The following SEMA4D variants were observed in gnomAD, a reference collection of about 807,000 sequenced individuals.
The protein encoded by SEMA4D is semaphorin 4D.
Under a neutral mutation model 74.8 loss-of-function variants are expected in SEMA4D, and 22 were observed. The ratio of observed to expected loss-of-function variants is 0.29; its 90% CI spans 0.21 to 0.42. The LOEUF is 0.42. Ranked by LOEUF, SEMA4D falls within the 10% of genes least tolerant of loss-of-function variation. SEMA4D has a pLI of 1.00. For synonymous variants in SEMA4D, 445 were observed against 463.7 expected (o/e 0.96, Z 0.52); for missense variants, 937 against 1,118.4 (o/e 0.84, Z 2.31).
chr9:89,418,296 G>C, intron 2 of SEMA4D: 1 of 834,560 alleles, frequency 1.2e-6, no homozygotes, highest in Non-Finnish European at 1.4e-6. Context: ...CACTGGGGCA[G>C]ACAGGAGGGA....
At chr9:89,418,356 C>A (rs1846153033) in intron 2 of SEMA4D, 1 of 985,054 alleles carries the variant, frequency 1.0e-6, no homozygotes. Context: ...GCAGCCCAGC[C>A]CGTTACCTGG....
chr9:89,386,848 G>A, intron 12 of SEMA4D: 1 of 256,334 alleles, frequency 3.9e-6, no homozygotes, highest in Admixed American at 5.1e-5. Flanking sequence ...CAGGCGGTGA[G>A]GACAGGGGGC....
chr9:89,388,725 C>A lies in SEMA4D; in HGVS notation c.1018G>T (p.Gly340Trp). The A allele has an allele frequency of 6.2e-7, 1 of 1,610,792 alleles. No homozygotes were observed. The highest frequency in any genetic ancestry group is 1.3e-5 in the African/African-American group (1 of 74,994). Residue 340 changes from glycine (G) to tryptophan (W), a missense_variant, in exon 11 of 16, where the codon GGG becomes TGG. By Grantham distance (184) the Gly-to-Trp change is radical. Transcript: ENST00000422704. ...ACTGTGGTGCTCTGCATGTACTTCC[C>A]GTGGGAGAAGACCTCCTCGGCTGTG... ...LSTAEEVFSH[G>W]KYMQSTTVEQ... is the part of the protein sequence containing the mutation.
chr9:89,436,055 T>C (rs1208594128), intron 2 of SEMA4D, among the ~76,000 whole-genome samples: 1 of 151,582 alleles, frequency 6.6e-6, no homozygotes, highest in East Asian at 2.0e-4. Context: ...ATGACGGACA[T>C]CTCAGACAAC....
chr9:89,412,717 T>C (rs967454270), intron 2 of SEMA4D, among the ~76,000 whole-genome samples: 1 of 152,156 alleles, frequency 6.6e-6, no homozygotes, highest in Non-Finnish European at 1.5e-5. Flanking sequence ...TCTTCTCAAA[T>C]GGCCTTTAAA....
At chr9:89,406,159 T>G (rs1019703538) in intron 2 of SEMA4D, among the ~76,000 whole-genome samples, 2 of 152,198 alleles carry the variant, frequency 1.3e-5, no homozygotes, top group African/African-American at 4.8e-5. Context: ...AGAGCTAAGA[T>G]GTACATGTGA....
chr9:89,480,095 G>A (rs2136171722), intron 1 of SEMA4D, among the ~76,000 whole-genome samples: 1 of 152,204 alleles, frequency 6.6e-6, no homozygotes, highest in South Asian at 2.1e-4. Flanking sequence ...CCCCACCAGA[G>A]CAGCTAGATA....
intron 2 of SEMA4D, among the ~76,000 whole-genome samples, chr9:89,426,135 C>CCGGGATCCT (rs1188067569): frequency 1.3e-5 from 2 of 152,210 alleles, no homozygotes; most frequent in Non-Finnish European, 2.9e-5. Context: ...CTCCTCCAGG[C>CCGGGATCCT]CGGGATCCTC....
intron 2 of SEMA4D, among the ~76,000 whole-genome samples, chr9:89,436,137 A>T (rs915882497): frequency 3.3e-5 from 5 of 152,244 alleles, no homozygotes; most frequent in African/African-American, 1.2e-4. Flanking sequence ...GGTCCACTCA[A>T]GTGTGTTTTT....
intron 2 of SEMA4D, among the ~76,000 whole-genome samples, chr9:89,454,926 C>T (rs1360528688): frequency 3.3e-5 from 5 of 152,242 alleles, no homozygotes; most frequent in South Asian, 2.1e-4. Flanking sequence ...GAAGCTGCCC[C>T]GGGTGGCTCT....
At chr9:89,489,927 T>G (rs928359673) in intron 1 of SEMA4D, among the ~76,000 whole-genome samples, 11 of 152,206 alleles carry the variant, frequency 7.2e-5, no homozygotes, top group African/African-American at 2.4e-4. Flanking sequence ...ATCTCCAAAC[T>G]TTTTTCCAAA....
intron 1 of SEMA4D, among the ~76,000 whole-genome samples, chr9:89,481,265 G>A (rs1415717163): frequency 6.6e-6 from 1 of 152,212 alleles, no homozygotes; most frequent in Non-Finnish European, 1.5e-5. Context: ...GACAGCTGGA[G>A]AGACCCCCGA....
rs1853919264 is a variant in SEMA4D at position 89,449,841 on chromosome 9, G to C, written c.-244+6047C>G. On this transcript the variant is annotated intron_variant, in intron 2 of 15. Coordinates refer to ENST00000422704, the MANE Select transcript of SEMA4D (RefSeq NM_001371194.2). ...ATGTCACTTCTCCCCTTTGAAGAGA[G>C]ACCAGGATTATATTCTCAAGGAAGG... 20 of 1,507,426 alleles carry C rather than the reference G, an allele frequency of 1.3e-5. No individual in the cohort carries two copies. The Admixed American group carries it at 3.4e-4, about 25-fold the overall frequency. 93.4% of individuals were successfully genotyped at this position (1,507,426 alleles called of 1,614,324 possible). A position where few individuals can be genotyped will look rare whatever the true frequency, so the allele number is the denominator to read the frequency against.
In SEMA4D at chr9:89,474,315, T is replaced by C. The variant is rs181067904; in HGVS notation, c.-309-18362A>G. Among the ~76,000 whole-genome samples the C allele has an allele frequency of 2.3e-3, 351 of 152,356 alleles. 2 individuals carry two copies. The highest frequency in any genetic ancestry group is 7.9e-3 in the African/African-American group (327 of 41,582). On this transcript the variant is annotated intron_variant, in intron 1 of 15. Coordinates refer to ENST00000422704, the MANE Select transcript of SEMA4D (RefSeq NM_001371194.2). ...CCATAATTAACCTTCGCTTAAACCC[T>C]GTGTTTGTGCTTGAGTTTAGCAATC...
intron 16 of SEMA4D, chr9:89,364,346 G>T (rs1339532117): frequency 2.3e-5 from 7 of 306,610 alleles, no homozygotes; most frequent in South Asian, 1.6e-4. Context: ...GACATCCCAA[G>T]GCTCTGCCAT....
Position 89,386,371 on chromosome 9 carries a change from T to A in SEMA4D, c.1442A>T (p.Lys481Met). Reference protein sequence around the residue: ...EPVQTLLLSSKKGNRFVYAGS... With the variant: ...EPVQTLLLSSMKGNRFVYAGS... ...CAGCTGCCTGCGTCACTTTACCTTCTTTGAAGACAGCAGCAGGGTCTGGAC... is the reference window on the plus strand; with the variant it reads ...CAGCTGCCTGCGTCACTTTACCTTCATTGAAGACAGCAGCAGGGTCTGGAC... Residue 481 changes from lysine (K) to methionine (M), a missense_variant, in exon 13 of 16, where the codon AAG (lysine) becomes ATG (methionine). By Grantham distance (95) the Lys-to-Met change is moderately conservative. Transcript: ENST00000422704. 1.2e-6 allele frequency: 2 copies of A among 1,611,900 alleles called. No individual in the cohort carries two copies. Among genetic ancestry groups the A allele is most frequent in the Non-Finnish European group, 1.7e-6 (2 of 1,178,262 alleles).
intron 16 of SEMA4D, chr9:89,365,682 C>T (rs1311207991): frequency 6.6e-6 from 1 of 152,240 alleles, no homozygotes; most frequent in Non-Finnish European, 1.5e-5. Flanking sequence ...TCCAAAGTAC[C>T]TGCACACACA....
chr9:89,490,590 T>C (rs1825552758), intron 1 of SEMA4D, among the ~76,000 whole-genome samples: 1 of 152,170 alleles, frequency 6.6e-6, no homozygotes, highest in South Asian at 2.1e-4. Context: ...CTAATATAAG[T>C]GTTCTGTGCA....
Position 89,391,363 on chromosome 9 carries a change from G to A in SEMA4D, c.675C>T (p.Asp225=), listed in dbSNP as rs142841220. The change falls in exon 9 of 16, where the codon GAC becomes GAT. Residue 225 remains aspartate (D), a synonymous_variant. Transcript: ENST00000422704. Reference sequence around the variant, plus strand: ...AGAAGTAGACCCTGTCATCCTCGCCGTCGGGGCTGTCTGGGCTTTTTCGGA... The same window carrying A: ...AGAAGTAGACCCTGTCATCCTCGCCATCGGGGCTGTCTGGGCTTTTTCGGA... The part of the protein sequence containing the change: ...DVIRKSPDSP[D]GEDDRVYFFF... 27 of 1,614,126 alleles carry A rather than the reference G, an allele frequency of 1.7e-5. No homozygotes were observed. The highest frequency in any genetic ancestry group is 1.6e-4 in the Middle Eastern group (1 of 6,084).
Sources: allele counts gnomAD v4.1 joint callset (sites outside exome capture counted in the v4.1 genomes callset), GRCh38; gene constraint gnomAD v4.1.1; transcripts MANE v1.5; gene names NCBI Gene and HGNC (gene_info 2026-07-23, HGNC 2026-07-21).